Variants in FNIP1 observed in about 807,000 individuals in gnomAD.
FNIP1 encodes folliculin interacting protein 1.
A neutral mutation model predicts 124.5 loss-of-function variants in FNIP1; 40 were observed. The observed-to-expected ratio is 0.32, with a 90% CI of 0.25 to 0.42. The LOEUF is 0.42. FNIP1 is among the 10% of genes least tolerant of loss of function. FNIP1 has a pLI of 1.00. For missense variants in FNIP1, 1,176 were observed against 1,403.7 expected, an observed-to-expected ratio of 0.84 and a Z score of 2.59; for synonymous variants, 472 against 470.6, an observed-to-expected ratio of 1.00 and a Z score of -0.04.
At chr5:131,666,206 C>T (rs1767600080) in intron 15 of FNIP1, among the ~76,000 whole-genome samples, 1 of 152,072 alleles carries the variant, frequency 6.6e-6, no homozygotes, top group African/African-American at 2.4e-5. Flanking sequence ...TTTTAGAAAT[C>T]CTATACATGC....
intron 11 of FNIP1, among the ~76,000 whole-genome samples, chr5:131,691,983 T>C (rs1768495224): frequency 6.6e-6 from 1 of 151,730 alleles, no homozygotes; most frequent in African/African-American, 2.4e-5. Context: ...ACAACTCTCA[T>C]TCAATATCAT....
chr5:131,675,156 A>T (rs1381396521), intron 13 of FNIP1, among the ~76,000 whole-genome samples: 2 of 152,230 alleles, frequency 1.3e-5, no homozygotes, highest in Admixed American at 1.3e-4. Flanking sequence ...CTGCACTTTT[A>T]ACACCTAGAC....
intron 1 of FNIP1, among the ~76,000 whole-genome samples, chr5:131,758,298 G>A (rs929148998): frequency 6.6e-6 from 1 of 152,134 alleles, no homozygotes; most frequent in Non-Finnish European, 1.5e-5. Flanking sequence ...GCTGGCTGGT[G>A]CCTCTTCTTT....
chr5:131,745,302 T>G (rs918726119), intron 1 of FNIP1, among the ~76,000 whole-genome samples: 31 of 152,232 alleles, frequency 2.0e-4, no homozygotes, highest in Non-Finnish European at 3.5e-4. Context: ...GAGGATCACT[T>G]GAGCCCAGGA....
intron 1 of FNIP1, among the ~76,000 whole-genome samples, chr5:131,785,567 A>T (rs1159878692): frequency 6.6e-6 from 1 of 151,986 alleles, no homozygotes; most frequent in Admixed American, 6.6e-5. Context: ...AAAACAAAAA[A>T]CAAAAAAATT....
intron 2 of FNIP1, among the ~76,000 whole-genome samples, chr5:131,736,826 G>GT (rs1233847113): frequency 6.6e-6 from 1 of 152,094 alleles, no homozygotes; most frequent in Non-Finnish European, 1.5e-5. Context: ...CTGTATTGTG[G>GT]TTACGTAGAA....
At position 131,730,933 on chromosome 5, in the gene FNIP1, C is replaced by T; in HGVS notation, c.325G>A (p.Asp109Asn). The change falls in exon 3 of 18, where the codon GAT (aspartate) becomes AAT (asparagine). Residue 109 changes from aspartate (D) to asparagine (N), a missense_variant. Around this residue, in one of 2 missense-constraint regions of FNIP1, gnomAD observed 1,109 missense variants for 1,288.5 expected, o/e 0.86. Transcript: ENST00000510461. ...TACTTAAGACACTGGTCTTTTATAT[C>T]AGAAGATGAAGTCACAGAACTATCT... is the stretch of plus-strand genomic sequence containing the variant. ...SLDSSVTSSSDIKDQCLKYQG... is the reference protein window; with the variant it reads ...SLDSSVTSSSNIKDQCLKYQG... 1 of 1,607,678 alleles carries T rather than the reference C, an allele frequency of 6.2e-7. No individual in the cohort carries two copies. The highest frequency in any genetic ancestry group is 8.5e-7 in the Non-Finnish European group (1 of 1,177,562).
Position 131,704,269 on chromosome 5 carries a change from T to G in FNIP1, c.915-3A>C. Reference sequence around the variant, plus strand: ...GATTAAAGCTTTCTTCTATAGACCTTAAAAATAAATGATTTTTTATTAATT... The same window carrying G: ...GATTAAAGCTTTCTTCTATAGACCTGAAAAATAAATGATTTTTTATTAATT... On this transcript the variant is annotated splice_polypyrimidine_tract_variant and splice_region_variant and intron_variant, in intron 9 of 17. Coordinates refer to ENST00000510461, the MANE Select transcript of FNIP1 (RefSeq NM_133372.3). 1 of 1,556,714 alleles carries G rather than the reference T, an allele frequency of 6.4e-7. No individual in the cohort carries two copies. Among genetic ancestry groups the G allele is most frequent in the South Asian group, 1.2e-5 (1 of 81,594 alleles).
At chr5:131,732,562 C>T (rs1580793559) in intron 2 of FNIP1, among the ~76,000 whole-genome samples, 1 of 152,156 alleles carries the variant, frequency 6.6e-6, no homozygotes, top group South Asian at 2.1e-4. Context: ...AGCCAGTTTT[C>T]CCAGCACCAT....
At chr5:131,730,786 T>C in intron 3 of FNIP1, 118 bp downstream of exon 3, 1 of 718,590 alleles carries the variant, frequency 1.4e-6, no homozygotes, top group East Asian at 2.9e-5. Flanking sequence ...TCTCTCCAGC[T>C]TCAATGCAAG....
rs1251330974 is a variant in FNIP1, at chr5:131,698,950, T to C, written c.1169A>G (p.Tyr390Cys). 2 of 1,611,982 alleles carry C rather than the reference T, an allele frequency of 1.2e-6. No individual in the cohort carries two copies. Among genetic ancestry groups the C allele is most frequent in the Non-Finnish European group, 8.5e-7 (1 of 1,179,302 alleles). Residue 390 changes from tyrosine to cysteine, a missense_variant, in exon 11 of 18, where the codon TAT (tyrosine) becomes TGT (cysteine). This residue lies in a region of FNIP1 where 1,109 missense variants were observed against 1,288.5 expected (regional missense o/e 0.86). Coordinates refer to ENST00000510461, the MANE Select transcript of FNIP1 (RefSeq NM_133372.3). ...ATTTAGGGCATCAACTATTCGATTA[T>C]ATGCCAAACTTCTCTGACTGGCATC... ...SADASQRSLA[Y>C]NRIVDALNEF... is the part of the protein sequence containing the mutation.
intron 1 of FNIP1, among the ~76,000 whole-genome samples, chr5:131,794,900 T>C (rs1338845087): frequency 6.6e-6 from 1 of 152,118 alleles, no homozygotes; most frequent in Non-Finnish European, 1.5e-5. Context: ...TGAGGGAACT[T>C]TTTGGGTGAT....
intron 3 of FNIP1, among the ~76,000 whole-genome samples, chr5:131,728,508 T>C (rs542569649): frequency 1.3e-5 from 2 of 152,204 alleles, no homozygotes; most frequent in South Asian, 2.1e-4. Flanking sequence ...GAAGTTCTCG[T>C]ACTGTGTTTT....
At chr5:131,716,069 C>T (rs1318613357) in intron 6 of FNIP1, among the ~76,000 whole-genome samples, 2 of 152,092 alleles carry the variant, frequency 1.3e-5, no homozygotes, top group African/African-American at 4.8e-5. Flanking sequence ...AATCAGCTAA[C>T]CAAAGTACTA....
chr5:131,719,091 A>C, intron 4 of FNIP1, 31 bp from the exon 5 acceptor site: 1 of 1,582,896 alleles, frequency 6.3e-7, no homozygotes, highest in South Asian at 1.1e-5. Context: ...AGAGAGACCA[A>C]AACTAAAATA....
chr5:131,769,443 C>T (rs1020455127), intron 1 of FNIP1, among the ~76,000 whole-genome samples: 35 of 152,160 alleles, frequency 2.3e-4, no homozygotes, highest in Non-Finnish European at 1.0e-4. Flanking sequence ...TTAAGCTCTA[C>T]ATTAGTGGCA....
At chr5:131,722,052 C>G (rs192054318) in intron 3 of FNIP1, among the ~76,000 whole-genome samples, 2 of 152,232 alleles carry the variant, frequency 1.3e-5, no homozygotes. Context: ...CACAGCCTCA[C>G]TTGAAGATAG....
At chr5:131,726,598 CTT>C (rs1769880791) in intron 3 of FNIP1, among the ~76,000 whole-genome samples, 2 of 152,084 alleles carry the variant, frequency 1.3e-5, no homozygotes, top group Non-Finnish European at 2.9e-5. Flanking sequence ...TTTTGTTAAT[CTT>C]TTCAAAAAAC....
intron 15 of FNIP1, among the ~76,000 whole-genome samples, chr5:131,660,643 T>A (rs925624996): frequency 3.3e-5 from 5 of 152,186 alleles, no homozygotes; most frequent in African/African-American, 1.2e-4. Context: ...ATGAACTCCA[T>A]CTCCCATGTG....
Sources: gnomAD v4.1 joint callset for allele counts (sites outside exome capture counted in the v4.1 genomes callset) on GRCh38, gnomAD v4.1.1 for gene constraint, gnomAD v4.1.1 regional missense constraint, MANE v1.5 for transcripts, NCBI Gene and HGNC (gene_info 2026-07-23, HGNC 2026-07-21) for gene names.